The following RC3H1 variants were observed in gnomAD, a reference collection of about 807,000 sequenced individuals.
RC3H1 encodes the protein roquin-1.
In RC3H1, 50 loss-of-function variants were observed where a neutral mutation model predicts 138.2. The observed-to-expected ratio is 0.36, with a 90% CI of 0.29 to 0.46. The LOEUF is 0.46. RC3H1 is among the 20% of genes least tolerant of loss of function. The pLI is 1.00. For missense variants in RC3H1, 1,031 were observed against 1,388.1 expected (o/e 0.74, Z 4.09); for synonymous variants, 462 against 489.1 (o/e 0.94, Z 0.73).
intron 7 of RC3H1, among the ~76,000 whole-genome samples, chr1:173,973,348 C>A (rs554979437): frequency 6.6e-6 from 1 of 152,154 alleles, no homozygotes; most frequent in South Asian, 2.1e-4. Flanking sequence ...CCATCCTGGC[C>A]AGCATTGTGA....
intron 13 of RC3H1, among the ~76,000 whole-genome samples, chr1:173,952,364 T>G (rs908524228): frequency 5.1e-5 from 7 of 137,810 alleles, no homozygotes; most frequent in East Asian, 2.1e-4. Context: ...GCTTTCAGGT[T>G]TTTTTTTTTT....
At position 173,945,254 on chromosome 1, in the gene RC3H1, T is replaced by C. The variant is rs1167800991; in HGVS notation, c.2961+1222A>G. ...ATCCTCCTGCCTTCAGCCTCCTGAGTAGCTGAGACTACAGGCGTGCACTAC... is the reference window on the plus strand; with the variant it reads ...ATCCTCCTGCCTTCAGCCTCCTGAGCAGCTGAGACTACAGGCGTGCACTAC... On this transcript the variant is annotated intron_variant, in intron 17 of 19. Coordinates refer to ENST00000367696, the MANE Select transcript of RC3H1 (RefSeq NM_172071.4). 2.0e-5 allele frequency among the ~76,000 whole-genome samples: 3 copies of C among 151,722 alleles called. No homozygotes were observed. The East Asian group carries it at 5.8e-4, about 29-fold the overall frequency.
intron 2 of RC3H1, among the ~76,000 whole-genome samples, chr1:173,988,959 G>T (rs1331580815): frequency 2.6e-5 from 4 of 152,154 alleles, no homozygotes; most frequent in Admixed American, 2.6e-4. Flanking sequence ...TCAGAAATAG[G>T]ATTTTACAAT....
chr1:173,976,048 T>C (rs1296895380), intron 7 of RC3H1, among the ~76,000 whole-genome samples: 1 of 150,466 alleles, frequency 6.6e-6, no homozygotes, highest in Non-Finnish European at 1.5e-5. Context: ...GTACAGGATA[T>C]GAAGATGAGA....
chr1:173,950,031 T>C (rs1351191940), intron 14 of RC3H1, among the ~76,000 whole-genome samples: 1 of 151,876 alleles, frequency 6.6e-6, no homozygotes, highest in Non-Finnish European at 1.5e-5. Context: ...TAGCCGGGCA[T>C]GGTGGTATGT....
At chr1:174,015,198 A>G (rs139491385) in intron 1 of RC3H1, among the ~76,000 whole-genome samples, 199 of 151,800 alleles carry the variant, frequency 1.3e-3, no homozygotes, top group Non-Finnish European at 2.5e-3. Context: ...TTCTAAACCA[A>G]TATGTTAGTG....
rs373818562 is a variant in RC3H1 at position 173,964,636 on chromosome 1, G to A, written c.1616+203C>T. 9.2e-5 allele frequency among the ~76,000 whole-genome samples: 14 copies of A among 151,954 alleles called. No homozygotes were observed. The East Asian group carries it at 2.3e-3, about 25-fold the overall frequency. ...TCCACCTCAGCCTCCCAAAGTGCTG[G>A]GATTATAGGCATGTGCCACCATGCC... On this transcript the variant is annotated intron_variant, in intron 10 of 19. Transcript: ENST00000367696.
intron 6 of RC3H1, 130 bp from the exon 7 acceptor site, chr1:173,978,750 G>C: frequency 1.1e-6 from 1 of 944,098 alleles, no homozygotes; most frequent in Non-Finnish European, 1.5e-6. Flanking sequence ...CTACACTTTG[G>C]CCAGAGTAGA....
At chr1:173,980,732 C>T (rs1660779199) in intron 6 of RC3H1, 77 bp downstream of exon 6, 3 of 1,101,646 alleles carry the variant, frequency 2.7e-6, no homozygotes, top group African/African-American at 1.6e-5. Flanking sequence ...ACAGTATTCA[C>T]TTTAATATAC....
intron 1 of RC3H1, among the ~76,000 whole-genome samples, chr1:174,002,702 A>G (rs1349379492): frequency 6.6e-6 from 1 of 152,174 alleles, no homozygotes; most frequent in Non-Finnish European, 1.5e-5. Flanking sequence ...TCTATATAGC[A>G]TTTAATAATA....
In RC3H1 at chr1:174,017,783, CAAAAAAAAAAA is replaced by C. The variant is rs61239660; in HGVS notation, c.-151+4302_-151+4312del. ...ACCCCTTTAGAACTCTTTTCTTGCT[CAAAAAAAAAAA>C]AAAAAAAAAAAAAAAACTGCTACCA... On this transcript the variant is annotated intron_variant, in intron 1 of 19. Transcript: ENST00000367696. 9.1e-3 allele frequency among the ~76,000 whole-genome samples: 654 copies of C among 72,044 alleles called. 14 individuals are homozygous for C. Among genetic ancestry groups the C allele is most frequent in the African/African-American group, 0.034 (592 of 17,540 alleles). The allele number at this position is 72,044 out of a possible 152,430, so 47.3% of individuals were successfully genotyped here.
intron 1 of RC3H1, chr1:174,015,782 T>C (rs1376549454): frequency 6.6e-6 from 1 of 152,190 alleles, no homozygotes; most frequent in African/African-American, 2.4e-5. Flanking sequence ...CCCAAAGTGG[T>C]GGGATTATAG....
intron 5 of RC3H1, among the ~76,000 whole-genome samples, chr1:173,982,135 T>G (rs1660846461): frequency 6.6e-6 from 1 of 152,166 alleles, no homozygotes; most frequent in Admixed American, 6.5e-5. Context: ...ATCCCAGCAC[T>G]TTGGGAGGCT....
chr1:173,939,460 G>A (rs563750931), intron 19 of RC3H1, among the ~76,000 whole-genome samples: 1 of 148,234 alleles, frequency 6.7e-6, no homozygotes, highest in Non-Finnish European at 1.5e-5. Context: ...GAACCTGAGA[G>A]GCAGAGGTTT....
intron 13 of RC3H1, among the ~76,000 whole-genome samples, chr1:173,959,895 T>A (rs543249635): frequency 6.6e-6 from 1 of 151,648 alleles, no homozygotes; most frequent in Admixed American, 6.6e-5. Context: ...CACCTGAGGT[T>A]AGCAGTTTGA....
rs761244762 is a variant in RC3H1 at position 173,961,916 on chromosome 1, C to T, written c.2011G>A (p.Asp671Asn). The change falls in exon 12 of 20, where the codon GAT becomes AAT. Residue 671 changes from aspartate to asparagine, a missense_variant. By Grantham distance (23) the Asp-to-Asn change is conservative (BLOSUM62 1). Transcript: ENST00000367696. ...QYPPIYPSHYDGRRVYPAPSY... is the reference protein window; with the variant it reads ...QYPPIYPSHYNGRRVYPAPSY... Reference sequence around the variant, plus strand: ...GGAGCAGGGTACACTCGACGGCCATCATAGTGAGATGGGTATATAGGTGGG... The same window carrying T: ...GGAGCAGGGTACACTCGACGGCCATTATAGTGAGATGGGTATATAGGTGGG... The T allele has an allele frequency of 6.2e-7, 1 of 1,614,066 alleles. No individual in the cohort carries two copies. The highest frequency in any genetic ancestry group is 1.7e-5 in the Admixed American group (1 of 60,000).
intron 9 of RC3H1, chr1:173,969,305 T>C (rs1420790118): frequency 6.7e-6 from 1 of 149,858 alleles, no homozygotes; most frequent in Non-Finnish European, 1.5e-5. Context: ...ATATTATTTA[T>C]ATTAAAAAAA....
chr1:173,972,528 T>G lies in RC3H1; in HGVS notation c.1202A>C (p.Lys401Thr), dbSNP rs149568870. ...LVDYIQNHSK[K>T]GADQQQPPQH... is the part of the protein sequence containing the mutation. ...CCTTACCTGCTGCTGATCTGCTCCT[T>G]TTTTGCTGTGGTTCTGGATATAATC... Residue 401 changes from lysine to threonine, a missense_variant, in exon 8 of 20, where the codon AAA becomes ACA. By Grantham distance (78) the Lys-to-Thr change is moderately conservative. Transcript: ENST00000367696. 1.7e-5 allele frequency: 28 copies of G among 1,613,652 alleles called. No homozygotes were observed. Among genetic ancestry groups the G allele is most frequent in the African/African-American group, 9.3e-5 (7 of 74,928 alleles).
At chr1:173,989,589 C>T (rs1661176327) in intron 2 of RC3H1, among the ~76,000 whole-genome samples, 1 of 151,842 alleles carries the variant, frequency 6.6e-6, no homozygotes, top group Non-Finnish European at 1.5e-5. Flanking sequence ...GAAAAAAACC[C>T]ACTGCCTACT....
Sources: gnomAD v4.1 joint callset for allele counts (sites outside exome capture counted in the v4.1 genomes callset) on GRCh38, gnomAD v4.1.1 for gene constraint, MANE v1.5 for transcripts, NCBI Gene and HGNC (gene_info 2026-07-23, HGNC 2026-07-21) for gene names.